Variants in PLXNA1 observed in about 807,000 individuals in gnomAD.
PLXNA1 encodes the protein plexin A1.
Under a neutral mutation model 191.7 loss-of-function variants are expected in PLXNA1, and 77 were observed. The ratio of observed to expected loss-of-function variants is 0.40; its 90% CI spans 0.33 to 0.49. The LOEUF is 0.49. PLXNA1 is among the 20% of genes least tolerant of loss of function. The pLI, the probability that PLXNA1 is intolerant of heterozygous loss-of-function variation, is 0.63. For missense variants in PLXNA1, 2,110 were observed against 2,660.2 expected (o/e 0.79, Z 4.55); for synonymous variants, 1,137 against 1,156.4 (o/e 0.98, Z 0.34).
chr3:127,031,822 C>G (rs1234598730), intron 29 of PLXNA1: 1 of 158,620 alleles, frequency 6.3e-6, no homozygotes, highest in Non-Finnish European at 1.4e-5. Flanking sequence ...ATTCTAGACC[C>G]GTGCTGTCCA....
At chr3:127,018,996 G>A (rs367814067) in intron 20 of PLXNA1, among the ~76,000 whole-genome samples, 1 of 152,342 alleles carries the variant, frequency 6.6e-6, no homozygotes, top group South Asian at 2.1e-4. Flanking sequence ...GGCACATAGA[G>A]ATCTTGGCCT....
chr3:127,027,489 A>G (rs1272877775), intron 23 of PLXNA1: 9 of 366,888 alleles, frequency 2.5e-5, no homozygotes, highest in Non-Finnish European at 4.3e-5. Flanking sequence ...GTTGCGTAGT[A>G]TGGGGTCCGC....
Position 127,029,475 on chromosome 3 carries a change from G to T in PLXNA1, c.4809G>T (p.Lys1603Asn), listed in dbSNP as rs199503214. Residue 1603 changes from lysine to asparagine, a missense_variant, in exon 27 of 32, where the codon AAG becomes AAT. By Grantham distance (94) the Lys-to-Asn change is moderately conservative. Around this residue, in one of 4 missense-constraint regions of PLXNA1, gnomAD observed 559 missense variants for 911.5 expected, o/e 0.61. Coordinates refer to ENST00000393409, the MANE Select transcript of PLXNA1 (RefSeq NM_032242.4). ...TDGSSVALVPKQTSAYNISNS... is the reference protein window; with the variant it reads ...TDGSSVALVPNQTSAYNISNS... ...GGTCCTCGGTGGCACTGGTGCCCAA[G>T]CAGACGTCCGCCTACAACATCTCCA... The T allele has an allele frequency of 6.2e-7, 1 of 1,613,956 alleles. No homozygotes were observed. Among genetic ancestry groups the T allele is most frequent in the Admixed American group, 1.7e-5 (1 of 60,034 alleles).
At chr3:127,008,658 C>T (rs549006625) in intron 9 of PLXNA1, among the ~76,000 whole-genome samples, 18 of 152,268 alleles carry the variant, frequency 1.2e-4, no homozygotes, top group Non-Finnish European at 1.5e-4. Flanking sequence ...GCTGTGGACA[C>T]TCCGCCTGTT....
At chr3:127,002,333 C>G (rs2079045059) in intron 3 of PLXNA1, among the ~76,000 whole-genome samples, 1 of 152,248 alleles carries the variant, frequency 6.6e-6, no homozygotes, top group Non-Finnish European at 1.5e-5. Flanking sequence ...CGGCCCTCCC[C>G]CTCTCCCAGC....
rs745827044 is a variant in PLXNA1, at chr3:127,028,957, C to T, written c.4670-36C>T. 5 of 1,545,376 alleles carry T rather than the reference C, an allele frequency of 3.2e-6. No homozygotes were observed. The South Asian group carries it at 5.6e-5, about 17-fold the overall frequency. ...TGTGATGGAGGAGGGAAAGAGGGCC[C>T]CAGCGGCCCCACCCTCCAGCTCCCT... On this transcript the variant is annotated intron_variant, in intron 25 of 31. Coordinates refer to ENST00000393409, the MANE Select transcript of PLXNA1 (RefSeq NM_032242.4).
intron 10 of PLXNA1, among the ~76,000 whole-genome samples, 173 bp downstream of exon 10, chr3:127,012,331 G>C (rs2079100162): frequency 6.6e-6 from 1 of 152,258 alleles, no homozygotes; most frequent in South Asian, 2.1e-4. Flanking sequence ...AGGCCCTTCA[G>C]ATGTGCCTGG....
At chr3:127,026,021 T>C in intron 23 of PLXNA1, among the ~76,000 whole-genome samples, 1 of 152,248 alleles carries the variant, frequency 6.6e-6, no homozygotes. Context: ...ATGTCATTTA[T>C]TGAACTGCCC....
In PLXNA1 at chr3:127,032,308, G is replaced by A. The variant is rs1351589254; in HGVS notation, c.5232-79G>A. 130 of 1,428,806 alleles carry A rather than the reference G, an allele frequency of 9.1e-5. 1 individual carries two copies. The highest frequency in any genetic ancestry group is 1.6e-4 in the African/African-American group (11 of 70,284). The allele number at this position is 1,428,806 out of a possible 1,614,324, so 88.5% of individuals were successfully genotyped here. ...GGAAAGCCATGCCCACTTTGGATTC[G>A]GAGCTGGGAGGGCCACAAGGTCACT... On this transcript the variant is annotated intron_variant, in intron 29 of 31. Coordinates refer to ENST00000393409, the MANE Select transcript of PLXNA1 (RefSeq NM_032242.4).
At chr3:126,991,351 G>A (rs778915312) in intron 2 of PLXNA1, 33 bp from the exon 3 acceptor site, 10 of 1,606,588 alleles carry the variant, frequency 6.2e-6, no homozygotes, top group African/African-American at 1.3e-5. Flanking sequence ...GAAGGTGCCC[G>A]GGGAGTGGCT....
At chr3:127,020,483 G>A in intron 21 of PLXNA1, 139 bp downstream of exon 21, 1 of 1,105,326 alleles carries the variant, frequency 9.0e-7, no homozygotes, top group Non-Finnish European at 1.3e-6. Context: ...CAGGGCTCTG[G>A]GCTCAGCCAA....
At chr3:127,027,888 T>C (rs9833827) in intron 23 of PLXNA1, 52 bp from the exon 24 acceptor site, 2 of 1,607,922 alleles carry the variant, frequency 1.2e-6, no homozygotes, top group African/African-American at 1.3e-5. Flanking sequence ...AGGGGCAGGT[T>C]GGGGGTAGGC....
chr3:127,028,320 A>T lies in PLXNA1; in HGVS notation c.4649A>T (p.Lys1550Met), dbSNP rs780420538. Residue 1550 changes from lysine (K) to methionine (M), a missense_variant, in exon 25 of 32, where the codon AAG becomes ATG. Physicochemically the swap from Lys to Met is moderately conservative, Grantham distance 95 (BLOSUM62 -1). Transcript: ENST00000393409. ...YKGVPYSQRP[K>M]AADMDLEWRQ... ...GGCGTGCCCTACTCCCAGCGGCCCAAGGCCGCGGACATGGACCTGGGTGAG... is the reference window on the plus strand; with the variant it reads ...GGCGTGCCCTACTCCCAGCGGCCCATGGCCGCGGACATGGACCTGGGTGAG... 2 of 1,611,846 alleles carry T rather than the reference A, an allele frequency of 1.2e-6. No homozygotes were observed. The highest frequency in any genetic ancestry group is 1.1e-5 in the South Asian group (1 of 91,050).
intron 1 of PLXNA1, among the ~76,000 whole-genome samples, chr3:126,988,228 C>T (rs929324905): frequency 6.6e-6 from 1 of 152,182 alleles, no homozygotes; most frequent in Admixed American, 6.5e-5. Flanking sequence ...ACACCTCAGG[C>T]CCTTGTCACC....
intron 4 of PLXNA1, among the ~76,000 whole-genome samples, chr3:127,003,923 T>C (rs2079053169): frequency 6.6e-6 from 1 of 152,216 alleles, no homozygotes; most frequent in Non-Finnish European, 1.5e-5. Context: ...ACCTGGTGCC[T>C]GGCCCAGCTC....
At chr3:127,019,740 C>G (rs1429812546) in intron 20 of PLXNA1, among the ~76,000 whole-genome samples, 1 of 152,174 alleles carries the variant, frequency 6.6e-6, no homozygotes, top group East Asian at 1.9e-4. Flanking sequence ...CTGACAGAGG[C>G]AGAGCTGGCC....
Position 126,988,728 on chromosome 3 carries a change from G to A in PLXNA1, c.135G>A (p.Ser45=), listed in dbSNP as rs144129798. Residue 45 remains serine, a synonymous_variant, in exon 2 of 32, where the codon TCG becomes TCA. Transcript: ENST00000393409. ...CACAGCCCCCCTTCCGCACCTTCTC[G>A]GCCAGCGACTGGGGCCTCACCCACC... is the stretch of plus-strand genomic sequence containing the variant. ...GGSQPPFRTF[S]ASDWGLTHLV... is the part of the protein sequence containing the mutation. The A allele has an allele frequency of 1.0e-5, 16 of 1,580,674 alleles. No individual in the cohort carries two copies. The highest frequency in any genetic ancestry group is 4.5e-5 in the East Asian group (2 of 44,494).
At chr3:127,016,837 C>T (rs1003243667) in intron 16 of PLXNA1, 107 bp from the exon 17 acceptor site, 328 of 1,391,630 alleles carry the variant, frequency 2.4e-4, no homozygotes, top group Non-Finnish European at 2.4e-4. Flanking sequence ...TACCTGTTTC[C>T]TGTCTTTGGG....
chr3:127,000,596 G>A (rs1356658385), intron 3 of PLXNA1, among the ~76,000 whole-genome samples: 2 of 152,160 alleles, frequency 1.3e-5, no homozygotes, highest in Admixed American at 1.3e-4. Context: ...AGGTGCAGTT[G>A]CGGGTCCAGG....
Sources: gnomAD v4.1 joint callset for allele counts (sites outside exome capture counted in the v4.1 genomes callset) on GRCh38, gnomAD v4.1.1 for gene constraint, gnomAD v4.1.1 regional missense constraint, MANE v1.5 for transcripts, NCBI Gene and HGNC (gene_info 2026-07-23, HGNC 2026-07-21) for gene names.